B3GLCT: variants seen among roughly 807,000 people sequenced by gnomAD.
B3GLCT encodes beta 3-glucosyltransferase.
B3GLCT carries 65 observed loss-of-function variants against 63.4 expected under a neutral mutation model. That is an observed-to-expected ratio of 1.03 (90% confidence interval 0.84 to 1.26). B3GLCT has a LOEUF of 1.26. B3GLCT is among the 50% of genes most tolerant of loss of function. The pLI is 0.00. For missense variants in B3GLCT, 577 were observed against 604.8 expected (o/e 0.95, Z 0.48); for synonymous variants, 233 against 219.2 (o/e 1.06, Z -0.55).
At chr13:31,291,007 C>A (rs2137888293) in intron 12 of B3GLCT, among the ~76,000 whole-genome samples, 1 of 152,216 alleles carries the variant, frequency 6.6e-6, no homozygotes, top group East Asian at 1.9e-4. Flanking sequence ...TTACATGTAA[C>A]TCTTTAATCC....
chr13:31,313,307 A>G (rs1566094352), intron 12 of B3GLCT, among the ~76,000 whole-genome samples: 1 of 152,212 alleles, frequency 6.6e-6, no homozygotes, highest in Admixed American at 6.5e-5. Flanking sequence ...AGAAGAAGAG[A>G]GGAAAATGTG....
At chr13:31,314,578 C>A (rs899132196) in intron 12 of B3GLCT, among the ~76,000 whole-genome samples, 1 of 152,164 alleles carries the variant, frequency 6.6e-6, no homozygotes, top group Non-Finnish European at 1.5e-5. Flanking sequence ...AATGCCTATA[C>A]CCCCATTGTA....
At chr13:31,218,519 G>T (rs931518179) in intron 2 of B3GLCT, among the ~76,000 whole-genome samples, 4 of 152,102 alleles carry the variant, frequency 2.6e-5, no homozygotes, top group Non-Finnish European at 4.4e-5. Context: ...TTAATTTGCT[G>T]TCAGCGTGGA....
At chr13:31,205,241 T>G (rs528433101) in intron 1 of B3GLCT, among the ~76,000 whole-genome samples, 26 of 151,736 alleles carry the variant, frequency 1.7e-4, no homozygotes, top group Non-Finnish European at 2.9e-4. Flanking sequence ...GTAGGTTTTT[T>G]TTTTTTGTTT....
At chr13:31,245,954 A>G (rs1871179407) in intron 4 of B3GLCT, among the ~76,000 whole-genome samples, 1 of 152,196 alleles carries the variant, frequency 6.6e-6, no homozygotes, top group Non-Finnish European at 1.5e-5. Context: ...TTTGCATTTC[A>G]TATTTCTACA....
chr13:31,266,235 TG>T (rs1872311933), intron 7 of B3GLCT, among the ~76,000 whole-genome samples: 2 of 152,110 alleles, frequency 1.3e-5, no homozygotes, highest in East Asian at 3.9e-4. Context: ...CCTGACCTCA[TG>T]TTTTGCCCGC....
chr13:31,266,323 C>T (rs535082440), intron 7 of B3GLCT, among the ~76,000 whole-genome samples: 7 of 152,190 alleles, frequency 4.6e-5, no homozygotes, highest in African/African-American at 1.2e-4. Context: ...CCACCACACC[C>T]GGCCCAATAA....
At chr13:31,272,883 G>T (rs1160195688) in intron 8 of B3GLCT, among the ~76,000 whole-genome samples, 2 of 151,866 alleles carry the variant, frequency 1.3e-5, no homozygotes, top group Non-Finnish European at 2.9e-5. Context: ...TTGCTTCTTA[G>T]GCCTTCCAAT....
At chr13:31,207,047 C>T (rs1014932863) in intron 1 of B3GLCT, among the ~76,000 whole-genome samples, 4 of 152,082 alleles carry the variant, frequency 2.6e-5, no homozygotes, top group African/African-American at 9.7e-5. Flanking sequence ...AGGCTTAGAG[C>T]GTCTCAGATT....
intron 12 of B3GLCT, among the ~76,000 whole-genome samples, chr13:31,308,521 C>T (rs182024779): frequency 6.6e-6 from 1 of 151,982 alleles, no homozygotes; most frequent in Admixed American, 6.5e-5. Context: ...GCTTGCTGTT[C>T]CCTCAGGAAT....
At chr13:31,220,653 A>G (rs1377280955) in intron 2 of B3GLCT, among the ~76,000 whole-genome samples, 1 of 152,188 alleles carries the variant, frequency 6.6e-6, no homozygotes, top group Admixed American at 6.5e-5. Context: ...ATCTCAATTC[A>G]CCTTATTCAA....
chr13:31,273,610 A>AT (rs1397880306), intron 8 of B3GLCT, among the ~76,000 whole-genome samples: 8 of 150,302 alleles, frequency 5.3e-5, no homozygotes, highest in South Asian at 2.1e-4. Flanking sequence ...TTTGTGTGTG[A>AT]TTTTTTTTTC....
At chr13:31,256,184 T>A (rs1045339544) in intron 6 of B3GLCT, among the ~76,000 whole-genome samples, 3 of 152,158 alleles carry the variant, frequency 2.0e-5, no homozygotes, top group African/African-American at 7.2e-5. Context: ...GAAAAAAAAG[T>A]TCATCATCAC....
intron 1 of B3GLCT, among the ~76,000 whole-genome samples, chr13:31,201,032 T>G (rs1170956302): frequency 2.0e-5 from 3 of 148,598 alleles, no homozygotes. Context: ...AAAAGCAGCC[T>G]TGTAATTGAC....
At position 31,323,857 on chromosome 13, in the gene B3GLCT, T is replaced by C. The variant is rs1875463627; in HGVS notation, c.1291T>C (p.Leu431=). The change falls in exon 14 of 15, where the codon TTG becomes CTG. Residue 431 remains leucine, a synonymous_variant. Transcript: ENST00000343307. The part of the protein sequence containing the change: ...DMVLGMCFSG[L]GIPVTHSPLF... ...GGTCCTGGGAATGTGCTTTAGTGGC[T>C]TGGGAATCCCTGTGACACACAGCCC... The C allele has an allele frequency of 1.2e-6, 2 of 1,614,206 alleles. No individual in the cohort carries two copies. Among genetic ancestry groups the C allele is most frequent in the South Asian group, 1.1e-5 (1 of 91,082 alleles).
At chr13:31,328,433 C>T (rs1875742244) in intron 14 of B3GLCT, among the ~76,000 whole-genome samples, 1 of 152,044 alleles carries the variant, frequency 6.6e-6, no homozygotes, top group Admixed American at 6.5e-5. Context: ...GTGGCTCACG[C>T]CTGCAACCTC....
At chr13:31,292,611 G>A (rs1873725303) in intron 12 of B3GLCT, among the ~76,000 whole-genome samples, 1 of 151,674 alleles carries the variant, frequency 6.6e-6, no homozygotes, top group South Asian at 2.1e-4. Context: ...GGTGTTTATA[G>A]TATTATCTGA....
intron 1 of B3GLCT, among the ~76,000 whole-genome samples, chr13:31,209,612 G>A (rs1395430212): frequency 6.6e-6 from 1 of 152,176 alleles, no homozygotes; most frequent in East Asian, 1.9e-4. Flanking sequence ...AGAGCCACAG[G>A]TACCGGGTTT....
At chr13:31,327,519 A>G (rs1279360012) in intron 14 of B3GLCT, among the ~76,000 whole-genome samples, 2 of 152,204 alleles carry the variant, frequency 1.3e-5, no homozygotes, top group African/African-American at 4.8e-5. Flanking sequence ...ATATTTTCAG[A>G]CTAAAATTGA....
Sources: gnomAD v4.1 joint callset for allele counts (sites outside exome capture counted in the v4.1 genomes callset) on GRCh38, gnomAD v4.1.1 for gene constraint, MANE v1.5 for transcripts, NCBI Gene and HGNC (gene_info 2026-07-23, HGNC 2026-07-21) for gene names.